The following CDH13 variants were observed in gnomAD, a reference collection of about 807,000 sequenced individuals.
CDH13 encodes the protein cadherin-13.
A neutral mutation model predicts 63.8 loss-of-function variants in CDH13; 24 were observed. The ratio of observed to expected loss-of-function variants is 0.38; its 90% CI spans 0.27 to 0.53. The LOEUF is 0.53. CDH13 is among the 20% of genes least tolerant of loss of function. CDH13 has a pLI of 0.85. For missense variants in CDH13, 1,049 were observed against 903.1 expected (o/e 1.16, Z -2.07); for synonymous variants, 503 against 355.3 (o/e 1.42, Z -4.67).
intron 10 of CDH13, among the ~76,000 whole-genome samples, chr16:83,742,664 G>C (rs1672036510): frequency 6.6e-6 from 1 of 152,226 alleles, no homozygotes; most frequent in Non-Finnish European, 1.5e-5. Context: ...CGGAAGCCAG[G>C]AAGCGGGAGA....
chr16:82,751,182 G>A (rs2034398819), intron 1 of CDH13, among the ~76,000 whole-genome samples: 1 of 152,180 alleles, frequency 6.6e-6, no homozygotes, highest in African/African-American at 2.4e-5. Flanking sequence ...CAAGAAAAAG[G>A]GAAGCTTACA....
At chr16:83,793,829 A>G (rs1168938537) in intron 13 of CDH13, among the ~76,000 whole-genome samples, 1 of 146,042 alleles carries the variant, frequency 6.8e-6, no homozygotes, top group African/African-American at 2.5e-5. Context: ...AAAAAAAAAA[A>G]ATTTCTCAGA....
intron 2 of CDH13, chr16:82,954,855 T>A (rs1249411224): frequency 1.3e-5 from 2 of 152,184 alleles, no homozygotes; most frequent in Non-Finnish European, 2.9e-5. Context: ...TCATTCCCTT[T>A]TATGGACATT....
At chr16:83,418,170 T>G (rs1218383743) in intron 6 of CDH13, among the ~76,000 whole-genome samples, 1 of 152,226 alleles carries the variant, frequency 6.6e-6, no homozygotes, top group African/African-American at 2.4e-5. Flanking sequence ...CTCGTCTTAC[T>G]GTGCTACACT....
At chr16:82,878,353 T>G (rs888420802) in intron 2 of CDH13, among the ~76,000 whole-genome samples, 1 of 151,828 alleles carries the variant, frequency 6.6e-6, no homozygotes, top group Non-Finnish European at 1.5e-5. Flanking sequence ...GACTAAATGT[T>G]GAATCTTTCA....
intron 1 of CDH13, among the ~76,000 whole-genome samples, chr16:82,836,173 C>G (rs2038758487): frequency 6.6e-6 from 1 of 152,084 alleles, no homozygotes; most frequent in Non-Finnish European, 1.5e-5. Context: ...GTTGCCCAGA[C>G]TGGAGTGCAT....
chr16:83,529,590 A>G (rs555974494), intron 7 of CDH13, among the ~76,000 whole-genome samples: 5 of 152,304 alleles, frequency 3.3e-5, no homozygotes, highest in African/African-American at 1.2e-4. Flanking sequence ...AAAAAATCAT[A>G]AAAATTCCCT....
intron 1 of CDH13, among the ~76,000 whole-genome samples, chr16:82,710,552 A>AAAAATATAT (rs60196638): frequency 1.1e-3 from 70 of 63,764 alleles, no homozygotes; most frequent in East Asian, 2.3e-3. Flanking sequence ...AAAAAAAAAA[A>AAAAATATAT]ATATATATAT....
intron 5 of CDH13, among the ~76,000 whole-genome samples, chr16:83,283,097 G>A (rs1379687636): frequency 6.6e-6 from 1 of 152,118 alleles, no homozygotes; most frequent in African/African-American, 2.4e-5. Context: ...ATAAATGTTG[G>A]TCCTCTTCTC....
intron 4 of CDH13, among the ~76,000 whole-genome samples, chr16:83,155,424 C>T (rs1231912828): frequency 1.3e-5 from 2 of 152,074 alleles, no homozygotes; most frequent in Non-Finnish European, 2.9e-5. Context: ...CAGTGAAGGC[C>T]AAGGTCTAAT....
chr16:83,539,332 T>C (rs2075256531), intron 7 of CDH13, among the ~76,000 whole-genome samples: 1 of 152,186 alleles, frequency 6.6e-6, no homozygotes, highest in South Asian at 2.1e-4. Flanking sequence ...ATGCCATGGC[T>C]GATCTGACAG....
chr16:83,296,198 T>A (rs1174995622), intron 5 of CDH13, among the ~76,000 whole-genome samples: 2 of 152,190 alleles, frequency 1.3e-5, no homozygotes, highest in Non-Finnish European at 2.9e-5. Context: ...TTTCCCACTC[T>A]TCTTTGTGCT....
intron 1 of CDH13, among the ~76,000 whole-genome samples, chr16:82,710,126 T>C (rs1260626419): frequency 6.8e-6 from 1 of 147,900 alleles, no homozygotes; most frequent in Non-Finnish European, 1.5e-5. Flanking sequence ...ATAGATTTAA[T>C]ATATAATATA....
intron 4 of CDH13, among the ~76,000 whole-genome samples, chr16:83,215,685 G>T (rs1597532477): frequency 2.0e-5 from 3 of 152,130 alleles, no homozygotes; most frequent in Admixed American, 6.5e-5. Context: ...ATTTTGATTA[G>T]GAGAGGGCAG....
At chr16:83,694,495 C>T (rs752444311) in intron 10 of CDH13, among the ~76,000 whole-genome samples, 2 of 152,184 alleles carry the variant, frequency 1.3e-5, no homozygotes, top group Non-Finnish European at 2.9e-5. Flanking sequence ...GTGAGTCTTC[C>T]ACAGTGCTCG....
intron 4 of CDH13, among the ~76,000 whole-genome samples, chr16:83,177,654 G>T (rs956439246): frequency 2.0e-5 from 3 of 152,110 alleles, no homozygotes; most frequent in African/African-American, 7.2e-5. Context: ...TTGTAGCAAG[G>T]TCCCCTCCAC....
At chr16:83,011,992 G>C (rs1021381550) in intron 2 of CDH13, among the ~76,000 whole-genome samples, 1 of 152,028 alleles carries the variant, frequency 6.6e-6, no homozygotes, top group Non-Finnish European at 1.5e-5. Flanking sequence ...CACTCTTTTT[G>C]TGTTCAGATC....
chr16:82,933,389 C>T (rs2042560728), intron 2 of CDH13, among the ~76,000 whole-genome samples: 1 of 152,054 alleles, frequency 6.6e-6, no homozygotes, highest in Non-Finnish European at 1.5e-5. Context: ...GGGAGACTGC[C>T]CTCATGATCC....
chr16:82,688,575 T>C (rs1915319975), intron 1 of CDH13, among the ~76,000 whole-genome samples: 1 of 152,210 alleles, frequency 6.6e-6, no homozygotes, highest in Admixed American at 6.5e-5. Flanking sequence ...TGACAACATA[T>C]TTTACAGTGT....
Sources: allele counts gnomAD v4.1 joint callset (sites outside exome capture counted in the v4.1 genomes callset), GRCh38; gene constraint gnomAD v4.1.1; transcripts MANE v1.5; gene names NCBI Gene and HGNC (gene_info 2026-07-23, HGNC 2026-07-21).